Variants in EXT1 observed in about 807,000 individuals in gnomAD.
The protein encoded by EXT1 is exostosin glycosyltransferase 1, also known as exostosin-1.
In EXT1, 20 loss-of-function variants were observed where a neutral mutation model predicts 82.5. The ratio of observed to expected loss-of-function variants is 0.24; its 90% CI spans 0.17 to 0.35. EXT1 has a LOEUF of 0.35. EXT1 is among the 10% of genes least tolerant of loss of function. The pLI, the probability that EXT1 is intolerant of heterozygous loss-of-function variation, is 1.00. For missense variants in EXT1, 757 were observed against 936.5 expected (o/e 0.81, Z 2.50); for synonymous variants, 348 against 350.8 (o/e 0.99, Z 0.09).
At chr8:118,008,159 A>G (rs1815818080) in intron 1 of EXT1, among the ~76,000 whole-genome samples, 1 of 152,178 alleles carries the variant, frequency 6.6e-6, no homozygotes, top group Non-Finnish European at 1.5e-5. Context: ...TGTGAGTGAG[A>G]ACATGCAGTG....
At chr8:118,091,225 G>A (rs1305617032) in intron 1 of EXT1, among the ~76,000 whole-genome samples, 3 of 152,188 alleles carry the variant, frequency 2.0e-5, no homozygotes, top group Non-Finnish European at 2.9e-5. Context: ...AAGCAGGCTT[G>A]TAGGGATATT....
rs140549685 is a variant in EXT1 at position 118,000,804 on chromosome 8, C to T, written c.962+109281G>A. Among the ~76,000 whole-genome samples the T allele has an allele frequency of 6.1e-3, 933 of 152,286 alleles. 11 individuals carry two copies. Among genetic ancestry groups the T allele is most frequent in the Middle Eastern group, 0.017 (5 of 294 alleles). The stretch of plus-strand genomic sequence containing the variant: ...ATGGATGTCAGAGTTAGATTATTAT[C>T]TCCACGAGAGAAAGAAAAGAGCAAG... On this transcript the variant is annotated intron_variant, in intron 1 of 10. Coordinates refer to ENST00000378204, the MANE Select transcript of EXT1 (RefSeq NM_000127.3).
chr8:118,102,928 G>C (rs1008419456), intron 1 of EXT1, among the ~76,000 whole-genome samples: 1 of 152,164 alleles, frequency 6.6e-6, no homozygotes, highest in African/African-American at 2.4e-5. Flanking sequence ...GCCGAGGTGG[G>C]CGGATCACCG....
chr8:118,061,704 G>T (rs983365613), intron 1 of EXT1, among the ~76,000 whole-genome samples: 2 of 152,108 alleles, frequency 1.3e-5, no homozygotes, highest in African/African-American at 4.8e-5. Context: ...TCTGAAAGGG[G>T]GCATGCTAAG....
chr8:117,868,398 G>C (rs1586252493), intron 1 of EXT1, among the ~76,000 whole-genome samples: 1 of 152,230 alleles, frequency 6.6e-6, no homozygotes, highest in East Asian at 1.9e-4. Flanking sequence ...ATGGTGTTGG[G>C]AATCATTGAA....
In EXT1 at chr8:117,870,823, T is replaced by TCACACACACACACACACACACACACACA. The variant is rs59973422; in HGVS notation, c.963-33623_963-33622insTGTGTGTGTGTGTGTGTGTGTGTGTGTG. On this transcript the variant is annotated intron_variant, in intron 1 of 10. Transcript: ENST00000378204. ...CAGTGGGTATACCATAAATGCTTTG[T>TCACACACACACACACACACACACACACA]CACACACACACACACACACACACAC... Among the ~76,000 whole-genome samples the TCACACACACACACACACACACACACACA allele has an allele frequency of 3.1e-4, 45 of 146,868 alleles. No homozygotes were observed. In the East Asian group the frequency reaches 5.6e-3, roughly 18 times the overall value.
chr8:118,013,517 G>T (rs757320611), intron 1 of EXT1, among the ~76,000 whole-genome samples: 1 of 152,146 alleles, frequency 6.6e-6, no homozygotes. Context: ...TAGTACAGGG[G>T]CTAGAGTAGG....
intron 7 of EXT1, among the ~76,000 whole-genome samples, chr8:117,813,781 G>A (rs1156365287): frequency 6.6e-5 from 10 of 152,060 alleles, no homozygotes; most frequent in African/African-American, 2.4e-4. Context: ...TGAGGTGGGT[G>A]GATCACTTGA....
intron 1 of EXT1, among the ~76,000 whole-genome samples, chr8:117,960,726 G>GT (rs1324853908): frequency 1.3e-5 from 2 of 152,176 alleles, no homozygotes; most frequent in African/African-American, 4.8e-5. Flanking sequence ...TCTTGAGGAA[G>GT]TGATAAGAGC....
chr8:117,848,920 C>T (rs1191315015), intron 1 of EXT1, among the ~76,000 whole-genome samples: 1 of 152,188 alleles, frequency 6.6e-6, no homozygotes, highest in East Asian at 1.9e-4. Flanking sequence ...AGTGGCTCCT[C>T]CTGGCACTTA....
chr8:118,041,688 AG>A (rs1382929839), intron 1 of EXT1, among the ~76,000 whole-genome samples: 17 of 150,676 alleles, frequency 1.1e-4, no homozygotes, highest in Admixed American at 6.6e-5. Context: ...GAAGGAAGGA[AG>A]GAAGGAAGGA....
chr8:117,853,371 C>A (rs1812487944), intron 1 of EXT1, among the ~76,000 whole-genome samples: 1 of 152,190 alleles, frequency 6.6e-6, no homozygotes, highest in South Asian at 2.1e-4. Context: ...ATGGTGAAAC[C>A]CCCTCTCTAC....
At chr8:118,074,286 CAT>C (rs1361319832) in intron 1 of EXT1, among the ~76,000 whole-genome samples, 1 of 152,202 alleles carries the variant, frequency 6.6e-6, no homozygotes, top group East Asian at 1.9e-4. Flanking sequence ...CTTCAGAAGT[CAT>C]TTTCTGTCCC....
At chr8:117,851,432 C>T (rs887602430) in intron 1 of EXT1, among the ~76,000 whole-genome samples, 4 of 149,586 alleles carry the variant, frequency 2.7e-5, no homozygotes, top group Non-Finnish European at 5.9e-5. Context: ...ATTTCTTCAA[C>T]GGAGCCCAGT....
chr8:117,932,943 A>C (rs1170678067), intron 1 of EXT1, among the ~76,000 whole-genome samples: 1 of 152,056 alleles, frequency 6.6e-6, no homozygotes, highest in Non-Finnish European at 1.5e-5. Context: ...TGCAAACTTA[A>C]CGTGCTCCTA....
At chr8:117,816,340 C>T (rs1811819778) in intron 7 of EXT1, among the ~76,000 whole-genome samples, 1 of 152,136 alleles carries the variant, frequency 6.6e-6, no homozygotes. Flanking sequence ...ACCCTTGGTG[C>T]ATGTATAATA....
rs764616466 is a variant in EXT1 at position 117,799,258 on chromosome 8, C to T, written c.*454G>A. 72 of 188,798 alleles carry T rather than the reference C, an allele frequency of 3.8e-4. No individual in the cohort carries two copies. Among genetic ancestry groups the T allele is most frequent in the Non-Finnish European group, 6.4e-4 (57 of 88,682 alleles). 11.7% of individuals were successfully genotyped at this position (188,798 alleles called of 1,614,324 possible). A position where few individuals can be genotyped will look rare whatever the true frequency, so the allele number is the denominator to read the frequency against. On this transcript the variant is annotated 3_prime_UTR_variant, in exon 11 of 11. Transcript: ENST00000378204. ...TGGGTAGAGTGACTTATTGTGTTTT[C>T]CACGAAGTTTGAGCTTTTGAAACTG...
At chr8:118,001,822 G>A (rs1223824915) in intron 1 of EXT1, among the ~76,000 whole-genome samples, 3 of 152,132 alleles carry the variant, frequency 2.0e-5, no homozygotes, top group Non-Finnish European at 2.9e-5. Flanking sequence ...AGCTAACAAA[G>A]CTATGTGAAT....
intron 1 of EXT1, among the ~76,000 whole-genome samples, chr8:118,072,568 A>G (rs1178388963): frequency 6.6e-6 from 1 of 152,218 alleles, no homozygotes; most frequent in Non-Finnish European, 1.5e-5. Flanking sequence ...CTTAACATCA[A>G]TTAATATTTG....
Sources: gnomAD v4.1 joint callset for allele counts (sites outside exome capture counted in the v4.1 genomes callset) on GRCh38, gnomAD v4.1.1 for gene constraint, MANE v1.5 for transcripts, NCBI Gene and HGNC (gene_info 2026-07-23, HGNC 2026-07-21) for gene names.